FGF3: variants seen among roughly 807,000 people sequenced by gnomAD.
FGF3 encodes fibroblast growth factor 3, also known as FGF-3.
A neutral mutation model predicts 9.8 loss-of-function variants in FGF3; 7 were observed. The ratio of observed to expected loss-of-function variants is 0.72; its 90% CI spans 0.41 to 1.35. The LOEUF (loss-of-function observed/expected upper bound fraction) is 1.35. FGF3 is among the 40% of genes most tolerant of loss of function. The pLI is 0.01. For missense variants in FGF3, 390 were observed against 345.6 expected (o/e 1.13, Z -1.02); for synonymous variants, 173 against 157.2 (o/e 1.10, Z -0.75).
chr11:69,810,527 G>GC lies in FGF3; in HGVS notation c.497dup (p.Phe167LeufsTer38). On this transcript the variant is annotated frameshift_variant, in exon 3 of 3. Coordinates refer to ENST00000334134, the MANE Select transcript of FGF3 (RefSeq NM_005247.4). LOFTEE classifies it low-confidence loss of function (END_TRUNC). ...ACTTCTGTGTGCGGCGGGTCTTGAA[G>GC]CCCCTGCGGGGCCGGCCCTTGCCGT... 1.2e-6 allele frequency: 2 copies of GC among 1,611,078 alleles called. No individual in the cohort carries two copies.
intron 2 of FGF3, among the ~76,000 whole-genome samples, chr11:69,813,796 ATGGATGGATGGG>A (rs1565115005): frequency 6.5e-5 from 8 of 123,626 alleles, no homozygotes; most frequent in Admixed American, 1.6e-4. Flanking sequence ...GGATGGATGG[ATGGATGGATGGG>A]TGGATGGGTG....
intron 2 of FGF3, among the ~76,000 whole-genome samples, chr11:69,813,937 T>TGGACGGA (rs1554980807): frequency 1.3e-4 from 5 of 38,832 alleles, no homozygotes; most frequent in Non-Finnish European, 3.1e-4. Flanking sequence ...GGTGGATGGG[T>TGGACGGA]TGATGGGTGG....
intron 2 of FGF3, among the ~76,000 whole-genome samples, chr11:69,811,606 T>C (rs905937752): frequency 6.6e-6 from 1 of 152,154 alleles, no homozygotes; most frequent in Non-Finnish European, 1.5e-5. Context: ...GCTGGGGTCA[T>C]TGACCCCTGA....
intron 2 of FGF3, among the ~76,000 whole-genome samples, chr11:69,815,266 G>GTGGA (rs1186729045): frequency 6.7e-6 from 1 of 149,336 alleles, no homozygotes; most frequent in African/African-American, 2.5e-5. Context: ...GGATGGATAG[G>GTGGA]TGGATGGATG....
Position 69,810,263 on chromosome 11 carries a change from C to A in FGF3, c.*42G>T. ...AGTCAGAGTCAAGAGGCTGCCACGCCAAGATGTCGCCAGGAGCTCTGGCGG... is the reference window on the plus strand; with the variant it reads ...AGTCAGAGTCAAGAGGCTGCCACGCAAAGATGTCGCCAGGAGCTCTGGCGG... On this transcript the variant is annotated 3_prime_UTR_variant, in exon 3 of 3. Transcript: ENST00000334134. The A allele has an allele frequency of 6.6e-7, 1 of 1,512,534 alleles. No homozygotes were observed. Among genetic ancestry groups the A allele is most frequent in the Non-Finnish European group, 8.9e-7 (1 of 1,123,226 alleles). 93.7% of individuals were successfully genotyped at this position (1,512,534 alleles called of 1,614,324 possible).
chr11:69,813,676 A>C (rs1295297159), intron 2 of FGF3, among the ~76,000 whole-genome samples: 1 of 129,862 alleles, frequency 7.7e-6, no homozygotes, highest in African/African-American at 3.0e-5. Flanking sequence ...GGATGGCTGG[A>C]TGGATGGATG....
chr11:69,814,675 C>G (rs568414722), intron 2 of FGF3, among the ~76,000 whole-genome samples: 2 of 152,248 alleles, frequency 1.3e-5, no homozygotes, highest in East Asian at 1.9e-4. Context: ...AGTTGGCATC[C>G]AGGCTACTAT....
chr11:69,817,880 G>A lies in FGF3; in HGVS notation c.220+834C>T, dbSNP rs1317671683. On this transcript the variant is annotated intron_variant, in intron 1 of 2. Transcript: ENST00000334134. ...GCCTCAGGTCCCTGTGACCAGAGGA[G>A]CCCAACCGTGTAGTCCGGCAGACTC... Among the ~76,000 whole-genome samples the A allele has an allele frequency of 2.6e-5, 4 of 152,206 alleles. No individual in the cohort carries two copies. In the East Asian group the frequency reaches 5.8e-4, roughly 22 times the overall value.
Position 69,810,749 on chromosome 11 carries a change from C to G in FGF3, c.325-49G>C, listed in dbSNP as rs782320251. On this transcript the variant is annotated intron_variant, in intron 2 of 2. Transcript: ENST00000334134. Reference sequence around the variant, plus strand: ...CAGTGCCCCGGGGAGACTGTGGCAGCGTCAGGGCCCAGGGTTGCCTGATGC... The same window carrying G: ...CAGTGCCCCGGGGAGACTGTGGCAGGGTCAGGGCCCAGGGTTGCCTGATGC... 34 of 1,478,852 alleles carry G rather than the reference C, an allele frequency of 2.3e-5. No homozygotes were observed. In the South Asian group the frequency reaches 3.5e-4, roughly 15 times the overall value. The allele number at this position is 1,478,852 out of a possible 1,614,324, so 91.6% of individuals were successfully genotyped here. A position where few individuals can be genotyped will look rare whatever the true frequency, so the allele number is the denominator to read the frequency against.
rs2119904393 is a variant in FGF3, at chr11:69,810,419, AG to A, written c.605del (p.Pro202LeufsTer121). 1 of 1,575,060 alleles carries A rather than the reference AG, an allele frequency of 6.3e-7. No individual in the cohort carries two copies. Among genetic ancestry groups the A allele is most frequent in the Non-Finnish European group, 8.6e-7 (1 of 1,157,238 alleles). ...RQLQSGLPRP[P>X]GKGVQPRRRR... ...GCCGTCGGGGCTGGACCCCCTTACC[AG>A]GGGGTCTGGGCAGCCCACTCTGTAG... On this transcript the variant is annotated frameshift_variant, in exon 3 of 3. Transcript: ENST00000334134. LOFTEE classifies it low-confidence loss of function (END_TRUNC).
Position 69,819,063 on chromosome 11 carries a change from T to G in FGF3, c.-130A>C. 3 of 444,116 alleles carry G rather than the reference T, an allele frequency of 6.8e-6. No homozygotes were observed. Among genetic ancestry groups the G allele is most frequent in the Non-Finnish European group, 1.1e-5 (3 of 268,428 alleles). 27.5% of individuals were successfully genotyped at this position (444,116 alleles called of 1,614,324 possible). A position where few individuals can be genotyped will look rare whatever the true frequency, so the allele number is the denominator to read the frequency against. ...GCGCCTGGAGATGCTGACTCCGGCT[T>G]CGCGGGAAAGGTGGGGGAAGAAGGG... On this transcript the variant is annotated 5_prime_UTR_variant, in exon 1 of 3. Transcript: ENST00000334134.
chr11:69,810,729 C>T (rs782774076), intron 2 of FGF3, 29 bp from the exon 3 acceptor site: 1 of 1,529,536 alleles, frequency 6.5e-7, no homozygotes, highest in African/African-American at 1.4e-5. Flanking sequence ...ATGGTCAGTG[C>T]CCCGGGGAGA....
Position 69,810,570 on chromosome 11 carries a change from A to G in FGF3, c.455T>C (p.Leu152Pro), listed in dbSNP as rs1554980351. 1 of 1,612,424 alleles carries G rather than the reference A, an allele frequency of 6.2e-7. No individual in the cohort carries two copies. Among genetic ancestry groups the G allele is most frequent in the African/African-American group, 1.3e-5 (1 of 74,928 alleles). ...GARRQPSAERLWYVSVNGKGR... is the reference protein window; with the variant it reads ...GARRQPSAERPWYVSVNGKGR... Reference sequence around the variant, plus strand: ...CTTGCCGTTCACAGACACGTACCACAGTCTCTCGGCGCTGGGCTGCCGGCG... The same window carrying G: ...CTTGCCGTTCACAGACACGTACCACGGTCTCTCGGCGCTGGGCTGCCGGCG... The change falls in exon 3 of 3, where the codon CTG becomes CCG. Residue 152 changes from leucine (L) to proline (P), a missense_variant. Leu to Pro is a moderately conservative substitution (Grantham distance 98, BLOSUM62 -3). Transcript: ENST00000334134.
At chr11:69,815,848 C>T (rs1481580216) in intron 2 of FGF3, among the ~76,000 whole-genome samples, 6 of 152,166 alleles carry the variant, frequency 3.9e-5, no homozygotes, top group Admixed American at 3.3e-4. Flanking sequence ...CCCCCTTCCC[C>T]TCCTAGGCTT....
chr11:69,810,815 C>T (rs1410114130), intron 2 of FGF3, 115 bp from the exon 3 acceptor site: 25 of 869,700 alleles, frequency 2.9e-5, no homozygotes, highest in Non-Finnish European at 4.1e-5. Flanking sequence ...CAGTGCCAAA[C>T]CCCAGCGCAC....
Position 69,816,320 on chromosome 11 carries a change from C to T in FGF3, c.324G>A (p.Ser108=), listed in dbSNP as rs369001003. 9.3e-6 allele frequency: 15 copies of T among 1,612,538 alleles called. No individual in the cohort carries two copies. Among genetic ancestry groups the T allele is most frequent in the East Asian group, 2.2e-5 (1 of 44,862 alleles). ...AMNKRGRLYA[S]EHYSAECEFV... ...CACCCACGTGACAGCCTGGACTCAC[C>T]GAAGCATAGAGTCGTCCCCTCTTGT... The change falls in exon 2 of 3, where the codon TCG becomes TCA. Residue 108 remains serine, a splice_region_variant and synonymous_variant. Coordinates refer to ENST00000334134, the MANE Select transcript of FGF3 (RefSeq NM_005247.4).
intron 2 of FGF3, among the ~76,000 whole-genome samples, chr11:69,810,989 C>T (rs1201951541): frequency 6.6e-6 from 1 of 152,246 alleles, no homozygotes; most frequent in African/African-American, 2.4e-5. Flanking sequence ...AGCCTCTGTC[C>T]CCCATCTGAG....
In FGF3 at chr11:69,819,078, G is replaced by C. The variant is rs1590966133; in HGVS notation, c.-145C>G. On this transcript the variant is annotated 5_prime_UTR_variant, in exon 1 of 3. Transcript: ENST00000334134. ...GACTCCGGCTTCGCGGGAAAGGTGGGGGAAGAAGGGGGAAGGGTGGGCGAG... is the reference window on the plus strand; with the variant it reads ...GACTCCGGCTTCGCGGGAAAGGTGGCGGAAGAAGGGGGAAGGGTGGGCGAG... 2.5e-5 allele frequency: 12 copies of C among 475,920 alleles called. No homozygotes were observed. The East Asian group carries it at 4.3e-4, about 17-fold the overall frequency. 29.5% of individuals were successfully genotyped at this position (475,920 alleles called of 1,614,324 possible). A position where few individuals can be genotyped will look rare whatever the true frequency, so the allele number is the denominator to read the frequency against.
chr11:69,810,919 G>A (rs1370909818), intron 2 of FGF3, among the ~76,000 whole-genome samples: 1 of 152,206 alleles, frequency 6.6e-6, no homozygotes, highest in African/African-American at 2.4e-5. Flanking sequence ...TCTGCCTAAA[G>A]GTCACCTTCA....
Sources: gnomAD v4.1 joint callset for allele counts (sites outside exome capture counted in the v4.1 genomes callset) on GRCh38, gnomAD v4.1.1 for gene constraint, MANE v1.5 for transcripts, NCBI Gene and HGNC (gene_info 2026-07-23, HGNC 2026-07-21) for gene names.